The following IPCEF1 variants were observed in gnomAD, a reference collection of about 807,000 sequenced individuals.
The protein encoded by IPCEF1 is interaction protein for cytohesin exchange factors 1, also known as interactor protein for cytohesin exchange factors 1.
In IPCEF1, 31 loss-of-function variants were observed where a neutral mutation model predicts 50.9. The observed-to-expected ratio is 0.61, with a 90% CI of 0.46 to 0.82. The LOEUF is 0.82. Among genes scored for constraint, IPCEF1 ranks in the 40% least tolerant of loss-of-function variants. The probability of loss-of-function intolerance (pLI) is 0.00; values close to 1 mark genes in which losing one functional copy is unlikely to be tolerated. For synonymous variants in IPCEF1, 181 were observed against 192.0 expected (o/e 0.94, Z 0.47); for missense variants, 458 against 514.0 (o/e 0.89, Z 1.05).
intron 1 of IPCEF1, among the ~76,000 whole-genome samples, chr6:154,324,034 T>C (rs1027499670): frequency 6.6e-6 from 1 of 152,220 alleles, no homozygotes; most frequent in Non-Finnish European, 1.5e-5. Flanking sequence ...AAGTGATGGG[T>C]ACAGTGGGAC....
At chr6:154,314,934 G>A (rs1249743383) in intron 1 of IPCEF1, among the ~76,000 whole-genome samples, 5 of 147,994 alleles carry the variant, frequency 3.4e-5, no homozygotes, top group African/African-American at 1.3e-4. Context: ...AGGCTGGAAT[G>A]CAGTGACACA....
chr6:154,290,397 T>G (rs1442341748), intron 1 of IPCEF1, among the ~76,000 whole-genome samples: 1 of 152,172 alleles, frequency 6.6e-6, no homozygotes, highest in Non-Finnish European at 1.5e-5. Flanking sequence ...AAACCCCAAG[T>G]CAAAGATCAA....
At position 154,154,764 on chromosome 6, in the gene IPCEF1, A is replaced by T. The variant is rs1798644927; in HGVS notation, c.*5064T>A. The T allele has an allele frequency of 6.6e-6, 1 of 152,566 alleles. No individual in the cohort carries two copies. The highest frequency in any genetic ancestry group is 1.5e-5 in the Non-Finnish European group (1 of 68,014). The allele number at this position is 152,566 out of a possible 1,614,324, so 9.5% of individuals were successfully genotyped here. A position where few individuals can be genotyped will look rare whatever the true frequency, so the allele number is the denominator to read the frequency against. ...TTTATCTTACAAGTCAACCTCAAAA[A>T]CATAAAGCAGGAGAGAAATGAGCCA... is the stretch of plus-strand genomic sequence containing the variant. On this transcript the variant is annotated 3_prime_UTR_variant, in exon 12 of 12. Coordinates refer to ENST00000367220, the MANE Select transcript of IPCEF1 (RefSeq NM_001130700.2).
At chr6:154,355,025 CACACACACACACACACA>C (rs1451888565) in intron 1 of IPCEF1, among the ~76,000 whole-genome samples, 2 of 148,488 alleles carry the variant, frequency 1.3e-5, no homozygotes, top group Non-Finnish European at 3.0e-5. Flanking sequence ...CACACACACA[CACACACACACACACACA>C]CACCATTTGC....
intron 1 of IPCEF1, among the ~76,000 whole-genome samples, chr6:154,309,470 C>G (rs1360750276): frequency 2.0e-5 from 3 of 152,124 alleles, no homozygotes; most frequent in Admixed American, 6.6e-5. Context: ...GTCTCTTATT[C>G]AGCCATCTCA....
At chr6:154,231,511 A>C (rs961247494) in intron 5 of IPCEF1, among the ~76,000 whole-genome samples, 1 of 152,252 alleles carries the variant, frequency 6.6e-6, no homozygotes, top group Non-Finnish European at 1.5e-5. Context: ...GTGACAGTTG[A>C]ATACACTGTG....
chr6:154,202,519 C>T (rs778638967), intron 9 of IPCEF1, among the ~76,000 whole-genome samples: 2 of 152,134 alleles, frequency 1.3e-5, no homozygotes, highest in Non-Finnish European at 2.9e-5. Flanking sequence ...TAGTAAAATT[C>T]AACTTCTATG....
At chr6:154,298,515 T>C (rs1157462449) in intron 1 of IPCEF1, among the ~76,000 whole-genome samples, 1 of 152,200 alleles carries the variant, frequency 6.6e-6, no homozygotes, top group East Asian at 1.9e-4. Flanking sequence ...TTGTTATTTG[T>C]TCATTGAAGA....
At chr6:154,247,627 G>T in intron 3 of IPCEF1, 139 bp from the exon 4 acceptor site, 1 of 614,254 alleles carries the variant, frequency 1.6e-6, no homozygotes. Flanking sequence ...GAGCTTAACG[G>T]GGAGCTACTA....
intron 5 of IPCEF1, among the ~76,000 whole-genome samples, chr6:154,238,212 A>G (rs1039728469): frequency 1.3e-5 from 2 of 152,192 alleles, no homozygotes; most frequent in South Asian, 4.1e-4. Context: ...GGAAACACAT[A>G]CAACAAAATG....
At chr6:154,295,034 TA>T (rs1243403464) in intron 1 of IPCEF1, among the ~76,000 whole-genome samples, 7 of 152,128 alleles carry the variant, frequency 4.6e-5, no homozygotes, top group Admixed American at 3.3e-4. Context: ...CCGTCTCTAC[TA>T]AAAATACAAA....
chr6:154,224,835 A>ATT (rs1779132562), intron 5 of IPCEF1, among the ~76,000 whole-genome samples: 1 of 152,178 alleles, frequency 6.6e-6, no homozygotes, highest in African/African-American at 2.4e-5. Context: ...TCATATGTAT[A>ATT]TTATATATAT....
intron 11 of IPCEF1, among the ~76,000 whole-genome samples, chr6:154,166,314 G>A (rs544954873): frequency 1.6e-4 from 25 of 152,326 alleles, no homozygotes; most frequent in African/African-American, 3.4e-4. Flanking sequence ...GCATGGTGCC[G>A]TAAAGATCTA....
chr6:154,251,616 GA>G (rs761144221), intron 3 of IPCEF1, among the ~76,000 whole-genome samples: 10 of 152,200 alleles, frequency 6.6e-5, no homozygotes, highest in Non-Finnish European at 1.3e-4. Flanking sequence ...ATGGTAAAGT[GA>G]AAATAGGTAT....
chr6:154,179,786 A>G (rs947788094), intron 10 of IPCEF1, among the ~76,000 whole-genome samples: 3 of 152,232 alleles, frequency 2.0e-5, no homozygotes, highest in Non-Finnish European at 2.9e-5. Context: ...GGAGTTAAGA[A>G]TAAAAGTTCA....
Position 154,212,866 on chromosome 6 carries a change from A to C in IPCEF1, c.452-11T>G. 6 of 1,581,472 alleles carry C rather than the reference A, an allele frequency of 3.8e-6. No individual in the cohort carries two copies. The highest frequency in any genetic ancestry group is 5.2e-6 in the Non-Finnish European group (6 of 1,150,402). On this transcript the variant is annotated splice_polypyrimidine_tract_variant and intron_variant, in intron 8 of 11. Coordinates refer to ENST00000367220, the MANE Select transcript of IPCEF1 (RefSeq NM_001130700.2). ...TTTCACTGTAACATTCTATAACAAA[A>C]ATGAAAATGCTTAATGTTTTAACGC...
At chr6:154,198,130 T>C (rs1776771383) in intron 10 of IPCEF1, among the ~76,000 whole-genome samples, 1 of 152,186 alleles carries the variant, frequency 6.6e-6, no homozygotes, top group Admixed American at 6.5e-5. Context: ...AGGAATGCAT[T>C]CCTTTCCAAG....
At chr6:154,284,676 C>T (rs367933148) in intron 2 of IPCEF1, among the ~76,000 whole-genome samples, 6 of 152,264 alleles carry the variant, frequency 3.9e-5, no homozygotes, top group East Asian at 1.9e-4. Context: ...CCCCTCCTGA[C>T]GACCAGCACT....
chr6:154,233,090 C>T (rs1271396888), intron 5 of IPCEF1, among the ~76,000 whole-genome samples: 1 of 151,750 alleles, frequency 6.6e-6, no homozygotes, highest in South Asian at 2.1e-4. Context: ...TGCCTCAGAC[C>T]CCCAAGTAGC....
Sources: gnomAD v4.1 joint callset for allele counts (sites outside exome capture counted in the v4.1 genomes callset) on GRCh38, gnomAD v4.1.1 for gene constraint, MANE v1.5 for transcripts, NCBI Gene and HGNC (gene_info 2026-07-23, HGNC 2026-07-21) for gene names.